The following PDE1C variants were observed in gnomAD, a reference collection of about 807,000 sequenced individuals.
PDE1C encodes the protein dual specificity calcium/calmodulin-dependent 3',5'-cyclic nucleotide phosphodiesterase 1C.
In PDE1C, 62 loss-of-function variants were observed where a neutral mutation model predicts 93.1. That is an observed-to-expected ratio of 0.67 (90% CI 0.54 to 0.82). The LOEUF (loss-of-function observed/expected upper bound fraction) is 0.82, where lower values mean the gene tolerates loss of function less well. Among genes scored for constraint, PDE1C ranks in the 40% least tolerant of loss-of-function variants. The probability of loss-of-function intolerance (pLI) is 0.00; values close to 1 mark genes in which losing one functional copy is unlikely to be tolerated. For synonymous variants in PDE1C, 325 were observed against 310.1 expected, an observed-to-expected ratio of 1.05 and a Z score of -0.50; for missense variants, 742 against 884.6, an observed-to-expected ratio of 0.84 and a Z score of 2.04.
chr7:32,167,737 T>C (rs1562541037), intron 3 of PDE1C, among the ~76,000 whole-genome samples: 1 of 152,144 alleles, frequency 6.6e-6, no homozygotes, highest in East Asian at 1.9e-4. Context: ...CCATATTTCA[T>C]GGCCCTAAAC....
chr7:31,796,011 G>C (rs1785238352), intron 16 of PDE1C, among the ~76,000 whole-genome samples: 1 of 151,218 alleles, frequency 6.6e-6, no homozygotes. Flanking sequence ...AGATGCATGA[G>C]AATAACAGAC....
intron 2 of PDE1C, among the ~76,000 whole-genome samples, chr7:32,013,558 A>G (rs1427471407): frequency 6.6e-6 from 1 of 152,218 alleles, no homozygotes; most frequent in South Asian, 2.1e-4. Flanking sequence ...AGAACTTTTT[A>G]AAAGAGGCAA....
intron 1 of PDE1C, among the ~76,000 whole-genome samples, chr7:32,210,139 C>T (rs1040725336): frequency 1.3e-5 from 2 of 152,184 alleles, no homozygotes; most frequent in African/African-American, 2.4e-5. Flanking sequence ...CTACCTCCTA[C>T]GAAAAGTCTC....
chr7:31,828,311 C>G lies in PDE1C; in HGVS notation c.1266G>C (p.Met422Ile). 1 of 1,612,536 alleles carries G rather than the reference C, an allele frequency of 6.2e-7. No homozygotes were observed. Among genetic ancestry groups the G allele is most frequent in the Non-Finnish European group, 8.5e-7 (1 of 1,178,908 alleles). The change falls in exon 12 of 18, where the codon ATG (methionine) becomes ATC (isoleucine). Residue 422 changes from methionine (M) to isoleucine (I), a missense_variant. Coordinates refer to ENST00000396191, the MANE Select transcript of PDE1C (RefSeq NM_001191057.4). ...FSPLCDRKST[M>I]VAQSQVGFID... ...ACGTACCTACTTGTGACTGAGCAAC[C>G]ATAGTGGACTTTCGGTCACACAGAG...
chr7:32,059,472 T>C (rs921207347), intron 1 of PDE1C, among the ~76,000 whole-genome samples: 2 of 152,148 alleles, frequency 1.3e-5, no homozygotes, highest in African/African-American at 4.8e-5. Flanking sequence ...CCAGTGCTCC[T>C]GTCCTCCCAA....
At chr7:32,360,771 G>T (rs547421635) in intron 1 of PDE1C, among the ~76,000 whole-genome samples, 1 of 152,192 alleles carries the variant, frequency 6.6e-6, no homozygotes, top group Admixed American at 6.5e-5. Context: ...AGAAAGAAAA[G>T]TATATTTGCT....
intron 2 of PDE1C, among the ~76,000 whole-genome samples, chr7:32,030,632 A>G (rs1202934740): frequency 6.6e-6 from 1 of 152,150 alleles, no homozygotes; most frequent in Non-Finnish European, 1.5e-5. Flanking sequence ...ATGTACAGGA[A>G]GGACTTTCTG....
At chr7:32,314,431 T>C (rs1783126798) in intron 1 of PDE1C, among the ~76,000 whole-genome samples, 1 of 152,122 alleles carries the variant, frequency 6.6e-6, no homozygotes, top group African/African-American at 2.4e-5. Context: ...GAACATGCAA[T>C]TAAAACAAAT....
chr7:31,696,863 T>C, the PDE1C span: 1 of 1,328,876 alleles, frequency 7.5e-7, no homozygotes, highest in Non-Finnish European at 1.0e-6. Context: ...TGGAAAGCTA[T>C]ATTGACTGTC....
chr7:32,298,232 C>T (rs565054863), intron 1 of PDE1C, among the ~76,000 whole-genome samples: 12 of 152,078 alleles, frequency 7.9e-5, no homozygotes, highest in African/African-American at 2.4e-4. Context: ...GTTCCTGCCG[C>T]TCTGTCTGTG....
the PDE1C span, among the ~76,000 whole-genome samples, chr7:31,629,180 C>T: frequency 1.4e-4 from 21 of 152,208 alleles, no homozygotes; most frequent in African/African-American, 5.1e-4. Flanking sequence ...CAGGACATTG[C>T]ATGCACATTT....
chr7:31,659,908 G>A, the PDE1C span, among the ~76,000 whole-genome samples: 21,209 of 152,128 alleles, frequency 0.14, 2,170 homozygotes, highest in East Asian at 0.43. Context: ...ATCTTGAATT[G>A]TAGTTCCCAT....
At chr7:31,826,716 T>C (rs1350314080) in intron 12 of PDE1C, among the ~76,000 whole-genome samples, 2 of 152,184 alleles carry the variant, frequency 1.3e-5, no homozygotes, top group Non-Finnish European at 2.9e-5. Flanking sequence ...ATCTCTTCTT[T>C]GTAATCCTGT....
intron 1 of PDE1C, among the ~76,000 whole-genome samples, chr7:32,213,573 G>A (rs1806214728): frequency 6.6e-6 from 1 of 152,176 alleles, no homozygotes; most frequent in South Asian, 2.1e-4. Flanking sequence ...CCAACAGCAC[G>A]CTGCAGGCCT....
At chr7:31,772,242 A>T (rs993646884) in intron 17 of PDE1C, among the ~76,000 whole-genome samples, 4 of 152,114 alleles carry the variant, frequency 2.6e-5, no homozygotes, top group African/African-American at 9.7e-5. Flanking sequence ...TCTGGCAGAA[A>T]AGCTGTCCCA....
At chr7:31,772,356 GTCCTGTATTCAGGTTAT>G (rs1795545795) in intron 17 of PDE1C, among the ~76,000 whole-genome samples, 1 of 152,108 alleles carries the variant, frequency 6.6e-6, no homozygotes, top group Non-Finnish European at 1.5e-5. Flanking sequence ...TCCACCCCAT[GTCCTGTATTCAGGTTAT>G]AGCCCTAGCT....
chr7:31,780,833 GTGTGTGTGTGTC>G (rs1783358641), intron 16 of PDE1C, among the ~76,000 whole-genome samples: 1 of 141,266 alleles, frequency 7.1e-6, no homozygotes. Context: ...GTGTGTGTGT[GTGTGTGTGTGTC>G]TAAGTAGGTA....
chr7:31,732,081 G>C, the PDE1C span, among the ~76,000 whole-genome samples: 2 of 152,230 alleles, frequency 1.3e-5, no homozygotes, highest in East Asian at 3.9e-4. Context: ...CTGGTTGTGC[G>C]GCCCCGCACA....
the PDE1C span, among the ~76,000 whole-genome samples, chr7:31,678,128 T>G: frequency 6.6e-6 from 1 of 152,052 alleles, no homozygotes; most frequent in Non-Finnish European, 1.5e-5. Context: ...AACAAAAAAG[T>G]AGATTTGAAG....
Sources: gnomAD v4.1 joint callset for allele counts (sites outside exome capture counted in the v4.1 genomes callset) on GRCh38, gnomAD v4.1.1 for gene constraint, MANE v1.5 for transcripts, NCBI Gene and HGNC (gene_info 2026-07-23, HGNC 2026-07-21) for gene names.